TNPO3: variants seen among roughly 807,000 people sequenced by gnomAD.
The protein encoded by TNPO3 is transportin-3.
TNPO3 carries 65 observed loss-of-function variants against 122.8 expected under a neutral mutation model. The observed-to-expected ratio is 0.53, with a 90% CI of 0.43 to 0.65. The LOEUF is 0.65. TNPO3 is among the 30% of genes least tolerant of loss of function. The pLI, the probability that TNPO3 is intolerant of heterozygous loss-of-function variation, is 0.00. For synonymous variants in TNPO3, 372 were observed against 411.2 expected (o/e 0.90, Z 1.15); for missense variants, 850 against 1,136.7 (o/e 0.75, Z 3.63).
At chr7:129,044,819 T>C (rs1318079893) in intron 1 of TNPO3, among the ~76,000 whole-genome samples, 3 of 152,144 alleles carry the variant, frequency 2.0e-5, no homozygotes, top group East Asian at 1.9e-4. Context: ...CAAATAAATA[T>C]AGAATTACCA....
At chr7:129,045,203 G>A (rs1287119994) in intron 1 of TNPO3, among the ~76,000 whole-genome samples, 3 of 152,110 alleles carry the variant, frequency 2.0e-5, no homozygotes, top group Admixed American at 2.0e-4. Flanking sequence ...TTGGGGCGGG[G>A]AGCAAATGGG....
At chr7:129,025,146 C>T (rs370187533) in intron 1 of TNPO3, among the ~76,000 whole-genome samples, 4 of 151,450 alleles carry the variant, frequency 2.6e-5, no homozygotes, top group Middle Eastern at 3.5e-3. Flanking sequence ...GTCAGAAATT[C>T]GAGACCAGCC....
chr7:128,958,665 G>A (rs1391546050), intron 21 of TNPO3, among the ~76,000 whole-genome samples: 8 of 152,206 alleles, frequency 5.3e-5, no homozygotes, highest in Non-Finnish European at 8.8e-5. Context: ...CCCATCCATT[G>A]TAAGTTCTGA....
chr7:128,963,305 G>A (rs1021706885), intron 21 of TNPO3, among the ~76,000 whole-genome samples: 2 of 152,120 alleles, frequency 1.3e-5, no homozygotes, highest in Non-Finnish European at 1.5e-5. Context: ...TTTCCCCTAG[G>A]TTCCCATTTG....
At chr7:129,001,935 G>A (rs1801991753) in intron 5 of TNPO3, among the ~76,000 whole-genome samples, 1 of 152,072 alleles carries the variant, frequency 6.6e-6, no homozygotes, top group African/African-American at 2.4e-5. Flanking sequence ...TAAAATGAAA[G>A]GGCTCAACAA....
intron 15 of TNPO3, among the ~76,000 whole-genome samples, chr7:128,979,647 C>T (rs190360884): frequency 6.6e-6 from 1 of 152,306 alleles, no homozygotes; most frequent in Admixed American, 6.5e-5. Context: ...AGTATGTCAT[C>T]ACTGAGGAAA....
At chr7:129,035,682 A>T (rs1806561196) in intron 1 of TNPO3, among the ~76,000 whole-genome samples, 1 of 152,216 alleles carries the variant, frequency 6.6e-6, no homozygotes. Context: ...AGTAACCATT[A>T]TCTAGATAAT....
At chr7:129,027,585 A>AAAAAAAC (rs60791952) in intron 1 of TNPO3, among the ~76,000 whole-genome samples, 1 of 126,460 alleles carries the variant, frequency 7.9e-6, no homozygotes, top group Non-Finnish European at 1.7e-5. Context: ...AAAAAAAAAA[A>AAAAAAAC]AAAAAACAAC....
rs1796777137 is a variant in TNPO3 at position 128,955,104 on chromosome 7, T to C, written c.*313A>G. On this transcript the variant is annotated 3_prime_UTR_variant, in exon 23 of 23. Coordinates refer to ENST00000265388, the MANE Select transcript of TNPO3 (RefSeq NM_012470.4). ...TAGTCTTCCTTTTTTTTCTTTTTTC[T>C]TTACTTAAAATTATTTTTCCTTTTA... is the stretch of plus-strand genomic sequence containing the variant. 6.1e-6 allele frequency: 2 copies of C among 325,676 alleles called. No homozygotes were observed. Among genetic ancestry groups the C allele is most frequent in the African/African-American group, 4.5e-5 (2 of 44,626 alleles). 20.2% of individuals were successfully genotyped at this position (325,676 alleles called of 1,614,324 possible).
chr7:128,962,823 T>TTC (rs1797598393), intron 21 of TNPO3, among the ~76,000 whole-genome samples: 3 of 151,636 alleles, frequency 2.0e-5, no homozygotes, highest in South Asian at 2.1e-4. Flanking sequence ...GTTTTTTTTT[T>TTC]CCCCCACAGC....
chr7:129,046,130 A>G (rs1454278965), intron 1 of TNPO3, among the ~76,000 whole-genome samples: 3 of 128,376 alleles, frequency 2.3e-5, no homozygotes, highest in African/African-American at 8.8e-5. Context: ...CGGGAGGTGG[A>G]GGTTGCAGTG....
intron 4 of TNPO3, among the ~76,000 whole-genome samples, chr7:129,005,438 G>A (rs998531206): frequency 1.3e-5 from 2 of 152,048 alleles, no homozygotes; most frequent in African/African-American, 4.8e-5. Context: ...AAATGGTTTC[G>A]TTCTGTGTCC....
chr7:128,973,762 AGAAAAC>A (rs1798744948), intron 18 of TNPO3, among the ~76,000 whole-genome samples: 4 of 144,490 alleles, frequency 2.8e-5, no homozygotes, highest in Non-Finnish European at 4.6e-5. Context: ...AAAAAAAAAA[AGAAAAC>A]AGAGGGTGAC....
intron 1 of TNPO3, among the ~76,000 whole-genome samples, chr7:129,034,395 G>A (rs1159334115): frequency 6.6e-6 from 1 of 151,924 alleles, no homozygotes; most frequent in Admixed American, 6.5e-5. Context: ...GGGGGGTGTG[G>A]GCAGGAACAC....
At chr7:128,966,936 T>C (rs931995425) in intron 21 of TNPO3, among the ~76,000 whole-genome samples, 1 of 152,184 alleles carries the variant, frequency 6.6e-6, no homozygotes, top group African/African-American at 2.4e-5. Context: ...CTCAGGTACC[T>C]ACATTCCTGA....
chr7:128,985,298 C>T (rs974882820), intron 12 of TNPO3, among the ~76,000 whole-genome samples: 10 of 152,314 alleles, frequency 6.6e-5, no homozygotes, highest in Non-Finnish European at 1.3e-4. Context: ...AAGTATGTTA[C>T]TTTAAAAAGT....
intron 15 of TNPO3, 65 bp downstream of exon 15, chr7:128,979,906 T>C (rs1260536254): frequency 4.1e-6 from 6 of 1,453,876 alleles, no homozygotes; most frequent in Non-Finnish European, 5.8e-6. Context: ...TCAGGTGAGT[T>C]ACCCAAAGCC....
rs1407122528 is a variant in TNPO3 at position 128,973,820 on chromosome 7, G to GA, written c.2273+1047dup. ...CTATCAACTGAAAAAAAAAAAAAAA[G>GA]AAAAGGAAAAAAAAAGGGTTTTTCT... On this transcript the variant is annotated intron_variant, in intron 18 of 22. Transcript: ENST00000265388. 1.9e-3 allele frequency among the ~76,000 whole-genome samples: 55 copies of GA among 29,600 alleles called. 2 individuals carry two copies. The highest frequency in any genetic ancestry group is 7.0e-3 in the South Asian group (6 of 856). The allele number at this position is 29,600 out of a possible 152,430, so 19.4% of individuals were successfully genotyped here.
At chr7:129,048,618 C>A (rs1808332005) in intron 1 of TNPO3, among the ~76,000 whole-genome samples, 1 of 144,422 alleles carries the variant, frequency 6.9e-6, no homozygotes, top group Non-Finnish European at 1.5e-5. Context: ...GAAATGAGGG[C>A]AACATATACA....
Sources: gnomAD v4.1 joint callset for allele counts (sites outside exome capture counted in the v4.1 genomes callset) on GRCh38, gnomAD v4.1.1 for gene constraint, MANE v1.5 for transcripts, NCBI Gene and HGNC (gene_info 2026-07-23, HGNC 2026-07-21) for gene names.